STAT5A: variants seen among roughly 807,000 people sequenced by gnomAD.
The protein encoded by STAT5A is epididymis secretory sperm binding protein.
In STAT5A, 26 loss-of-function variants were observed where a neutral mutation model predicts 100.2. That is an observed-to-expected ratio of 0.26 (90% CI 0.19 to 0.36). The LOEUF is 0.36. STAT5A is among the 10% of genes least tolerant of loss of function. The probability of loss-of-function intolerance (pLI) is 1.00; values close to 1 mark genes in which losing one functional copy is unlikely to be tolerated. For missense variants in STAT5A, 634 were observed against 1,027.5 expected (o/e 0.62, Z 5.24); for synonymous variants, 330 against 424.3 (o/e 0.78, Z 2.73).
upstream of STAT5A, chr17:42,288,308 C>A (rs879562441): frequency 6.6e-6 from 1 of 152,176 alleles, no homozygotes; most frequent in Admixed American, 6.5e-5. This position sits in a 1 kb window ranked among gnomAD's most constrained non-coding sequence, Gnocchi z 4.8. Context: ...GCAGCCCCCA[C>A]GCCCGGCGCC....
Position 42,292,057 on chromosome 17 carries a change from A to G in STAT5A, c.371A>G (p.Asn124Ser), listed in dbSNP as rs1413504847. The G allele has an allele frequency of 2.5e-6, 4 of 1,613,808 alleles. No individual in the cohort carries two copies. Among genetic ancestry groups the G allele is most frequent in the Non-Finnish European group, 3.4e-6 (4 of 1,179,868 alleles). ...YNEQRLVREA[N>S]NCSSPAGILV... Reference sequence around the variant, plus strand: ...GAACAGAGGCTGGTCCGAGAAGCCAACAATGTGAGTGTCCCTTGGGGATGG... The same window carrying G: ...GAACAGAGGCTGGTCCGAGAAGCCAGCAATGTGAGTGTCCCTTGGGGATGG... The change falls in exon 4 of 19, where the codon AAC becomes AGC. Residue 124 changes from asparagine to serine, a missense_variant. Asn to Ser is a conservative substitution (Grantham distance 46). Around this residue, in one of 5 missense-constraint regions of STAT5A, gnomAD observed 207 missense variants for 256.6 expected, o/e 0.81. Coordinates refer to ENST00000590949, the MANE Select transcript of STAT5A (RefSeq NM_001288718.2).
chr17:42,307,799 A>C, intron 15 of STAT5A, 76 bp downstream of exon 15: 1 of 1,571,124 alleles, frequency 6.4e-7, no homozygotes, highest in Non-Finnish European at 8.7e-7. Flanking sequence ...CCCACCCTCC[A>C]TCGGGCCTGT....
intron 4 of STAT5A, among the ~76,000 whole-genome samples, chr17:42,295,037 A>G (rs2080905562): frequency 6.6e-6 from 1 of 152,090 alleles, no homozygotes; most frequent in Admixed American, 6.5e-5. Context: ...GGCTGGATCC[A>G]AGGGGAGCTT....
Position 42,310,573 on chromosome 17 carries a change from CG to C in STAT5A, c.2290del (p.Val764TrpfsTer52). The C allele has an allele frequency of 6.2e-7, 1 of 1,614,222 alleles. No homozygotes were observed. Among genetic ancestry groups the C allele is most frequent in the Non-Finnish European group, 8.5e-7 (1 of 1,180,046 alleles). On this transcript the variant is annotated frameshift_variant, in exon 19 of 19. Coordinates refer to ENST00000590949, the MANE Select transcript of STAT5A (RefSeq NM_001288718.2). LOFTEE classifies it low-confidence loss of function (END_TRUNC). ...ATGAGACCATGGATGTGGCCAGGCACGTGGAGGAACTCTTACGCCGACCAAT... is the reference window on the plus strand; with the variant it reads ...ATGAGACCATGGATGTGGCCAGGCACTGGAGGAACTCTTACGCCGACCAAT... ...LDETMDVARH[V>X]EELLRRPMDS...
chr17:42,296,076 G>A (rs569601188), intron 5 of STAT5A, among the ~76,000 whole-genome samples: 1 of 152,256 alleles, frequency 6.6e-6, no homozygotes, highest in East Asian at 1.9e-4. Context: ...CTTGGCCTAG[G>A]TTGCCTGTAA....
Position 42,307,143 on chromosome 17 carries a change from C to A in STAT5A, c.1681-259C>A, listed in dbSNP as rs60294046. On this transcript the variant is annotated intron_variant, in intron 13 of 18. Coordinates refer to ENST00000590949, the MANE Select transcript of STAT5A (RefSeq NM_001288718.2). ...GGAGGAATGACTTTGGAGGCCCCAT[C>A]CAGCCTAGATTATTCTTTACACCTC... is the stretch of plus-strand genomic sequence containing the variant. Among the ~76,000 whole-genome samples, 446 of 152,318 alleles carry A rather than the reference C, an allele frequency of 2.9e-3. 1 individual carries two copies. The highest frequency in any genetic ancestry group is 0.01 in the African/African-American group (432 of 41,578).
At chr17:42,301,067 C>T (rs964204986) in intron 8 of STAT5A, among the ~76,000 whole-genome samples, 197 bp downstream of exon 8, 68 of 152,162 alleles carry the variant, frequency 4.5e-4, no homozygotes, top group African/African-American at 1.5e-3. Context: ...TACCCTGGGC[C>T]GCAGCCCATG....
At chr17:42,303,806 T>A (rs2081003152) in intron 9 of STAT5A, among the ~76,000 whole-genome samples, 1 of 151,968 alleles carries the variant, frequency 6.6e-6, no homozygotes, top group South Asian at 2.1e-4. Context: ...TCCAGATAAG[T>A]GGTCCAGGAA....
Position 42,308,964 on chromosome 17 carries a change from GGA to G in STAT5A, c.2063-80_2063-79del. On this transcript the variant is annotated intron_variant, in intron 16 of 18. Coordinates refer to ENST00000590949, the MANE Select transcript of STAT5A (RefSeq NM_001288718.2). The surrounding 1 kb of genome is among the most constrained non-coding windows in gnomAD (Gnocchi z 4.6). The stretch of plus-strand genomic sequence containing the variant: ...GAACACAAGGTGATGTGAGCAGGAG[GGA>G]GACTACATGGGGCGTGGGCTTCCAC... 1.3e-6 allele frequency: 2 copies of G among 1,559,602 alleles called. No homozygotes were observed. The highest frequency in any genetic ancestry group is 3.3e-5 in the Admixed American group (2 of 59,774).
At position 42,304,607 on chromosome 17, in the gene STAT5A, G is replaced by A. The variant is rs1429787452; in HGVS notation, c.1335G>A (p.Glu445=). Residue 445 remains glutamate (E), a synonymous_variant, in exon 11 of 19, where the codon GAG becomes GAA. Transcript: ENST00000590949. This position sits in a 1 kb window ranked among gnomAD's most constrained non-coding sequence, Gnocchi z 4.8. ...VTEEKFTVLF[E]SQFSVGSNEL... is the part of the protein sequence containing the mutation. ...AGGAGAAGTTCACAGTCCTGTTTGAGTCTCAGTTCAGTGTTGGCAGCAATG... is the reference window on the plus strand; with the variant it reads ...AGGAGAAGTTCACAGTCCTGTTTGAATCTCAGTTCAGTGTTGGCAGCAATG... 1 of 1,614,236 alleles carries A rather than the reference G, an allele frequency of 6.2e-7. No individual in the cohort carries two copies. Among genetic ancestry groups the A allele is most frequent in the Non-Finnish European group, 8.5e-7 (1 of 1,180,050 alleles).
chr17:42,290,095 T>C, intron 3 of STAT5A, 73 bp downstream of exon 3: 2 of 1,475,164 alleles, frequency 1.4e-6, no homozygotes, highest in Non-Finnish European at 1.8e-6. Context: ...CCTGGGTTTT[T>C]TCCTGGCCTG....
At position 42,309,087 on chromosome 17, in the gene STAT5A, A is replaced by G. The variant is rs776594368; in HGVS notation, c.2103A>G (p.Gln701=). Residue 701 remains glutamine (Q), a synonymous_variant, in exon 17 of 19, where the codon CAA becomes CAG. Transcript: ENST00000590949. The part of the protein sequence containing the change: ...VDGYVKPQIK[Q]VVPEFVNASA... ...GATATGTGAAACCACAGATCAAGCA[A>G]GTGGTCCCTGAGTAAGTGTCCAGGT... 1 of 1,614,156 alleles carries G rather than the reference A, an allele frequency of 6.2e-7. No homozygotes were observed. Among genetic ancestry groups the G allele is most frequent in the South Asian group, 1.1e-5 (1 of 91,080 alleles).
intron 8 of STAT5A, 76 bp from the exon 9 acceptor site, chr17:42,301,199 C>G: frequency 6.4e-7 from 1 of 1,566,448 alleles, no homozygotes; most frequent in South Asian, 1.2e-5. Flanking sequence ...CAGCCCCACC[C>G]CCACCACAGA....
At chr17:42,298,471 A>G (rs1320781516) in intron 5 of STAT5A, among the ~76,000 whole-genome samples, 1 of 128,070 alleles carries the variant, frequency 7.8e-6, no homozygotes, top group Non-Finnish European at 1.6e-5. Flanking sequence ...CATGATGGAT[A>G]CTTTTTTTTT....
At chr17:42,295,479 C>T (rs1471578058) in intron 4 of STAT5A, 140 bp from the exon 5 acceptor site, 1 of 838,732 alleles carries the variant, frequency 1.2e-6, no homozygotes, top group South Asian at 1.8e-5. Flanking sequence ...TGCAAATGAT[C>T]CTTCCTTCTT....
At chr17:42,297,216 C>T (rs867122470) in intron 5 of STAT5A, among the ~76,000 whole-genome samples, 1 of 152,070 alleles carries the variant, frequency 6.6e-6, no homozygotes, top group Non-Finnish European at 1.5e-5. Context: ...GGATTATAGG[C>T]GTGAGCCACG....
At chr17:42,306,005 C>G (rs2081025135) in intron 12 of STAT5A, 3 of 692,626 alleles carry the variant, frequency 4.3e-6, no homozygotes, top group Non-Finnish European at 7.2e-6. Context: ...GTTTCCTGGT[C>G]TGCATCTCTG....
intron 11 of STAT5A, among the ~76,000 whole-genome samples, chr17:42,305,061 ATGG>A (rs943673711): frequency 3.2e-4 from 49 of 152,100 alleles, no homozygotes; most frequent in African/African-American, 1.1e-3. Flanking sequence ...AAAGTTGGGC[ATGG>A]TGGCCTGCAC....
chr17:42,300,933 C>T (rs751342120), intron 8 of STAT5A, 63 bp downstream of exon 8: 1 of 1,608,930 alleles, frequency 6.2e-7, no homozygotes, highest in Non-Finnish European at 8.5e-7. Context: ...GTGGGGGGAG[C>T]TGCAGGTGCC....
Sources: gnomAD v4.1 joint callset for allele counts (sites outside exome capture counted in the v4.1 genomes callset) on GRCh38, gnomAD v4.1.1 for gene constraint, gnomAD v4.1.1 regional missense constraint, Gnocchi (gnomAD v3.1) non-coding constraint, MANE v1.5 for transcripts, NCBI Gene and HGNC (gene_info 2026-07-23, HGNC 2026-07-21) for gene names.